Variants in MTMR3 observed in about 807,000 individuals in gnomAD.
MTMR3 encodes myotubularin related protein 3, also known as phosphatidylinositol-3,5-bisphosphate 3-phosphatase MTMR3.
MTMR3 carries 32 observed loss-of-function variants against 132.4 expected under a neutral mutation model. The observed-to-expected ratio is 0.24, with a 90% CI of 0.18 to 0.32. The LOEUF (loss-of-function observed/expected upper bound fraction) is 0.32. Among genes scored for constraint, MTMR3 ranks in the 10% least tolerant of loss-of-function variants. MTMR3 has a pLI of 1.00. For synonymous variants in MTMR3, 556 were observed against 550.3 expected (o/e 1.01, Z -0.14); for missense variants, 1,216 against 1,489.6 (o/e 0.82, Z 3.02).
chr22:29,930,770 G>A (rs989272103), intron 1 of MTMR3, among the ~76,000 whole-genome samples: 29 of 152,084 alleles, frequency 1.9e-4, no homozygotes, highest in African/African-American at 6.8e-4. Flanking sequence ...GGAAGCTGGG[G>A]CAAGAGGATT....
Position 30,028,673 on chromosome 22 carries a change from A to T in MTMR3, c.*2872A>T, listed in dbSNP as rs2067957456. 6.6e-6 allele frequency: 1 copy of T among 152,350 alleles called. No individual in the cohort carries two copies. Among genetic ancestry groups the T allele is most frequent in the East Asian group, 1.9e-4 (1 of 5,320 alleles). 9.4% of individuals were successfully genotyped at this position (152,350 alleles called of 1,614,324 possible). ...CAGAGTGACCTGCTCAGAGCTCCCC[A>T]GAGGCCTTCACTCTTTGGGGCAGTC... On this transcript the variant is annotated 3_prime_UTR_variant, in exon 20 of 20. Transcript: ENST00000401950.
At chr22:29,894,579 G>A (rs1183857939) in intron 1 of MTMR3, among the ~76,000 whole-genome samples, 15 of 151,930 alleles carry the variant, frequency 9.9e-5, no homozygotes, top group East Asian at 7.7e-4. Context: ...TGGCAACTCA[G>A]ATGGGATATG....
At chr22:29,906,197 G>C (rs913494414) in intron 1 of MTMR3, among the ~76,000 whole-genome samples, 2 of 152,018 alleles carry the variant, frequency 1.3e-5, no homozygotes, top group African/African-American at 4.8e-5. Context: ...CTTCTAAAGA[G>C]ACCAGTACTG....
chr22:29,905,958 A>G (rs73162720), intron 1 of MTMR3, among the ~76,000 whole-genome samples: 2,145 of 152,296 alleles, frequency 0.014, 24 homozygotes, highest in Non-Finnish European at 0.023. Flanking sequence ...CTACTGACAA[A>G]TGTCAAACAA....
chr22:29,927,101 G>A (rs5763609), intron 1 of MTMR3, among the ~76,000 whole-genome samples: 9,059 of 152,162 alleles, frequency 0.06, 511 homozygotes, highest in South Asian at 0.24. Flanking sequence ...TTCTTTCCTC[G>A]TTGAGTTGTT....
At chr22:29,886,140 G>C (rs2064672529) in intron 1 of MTMR3, among the ~76,000 whole-genome samples, 1 of 152,188 alleles carries the variant, frequency 6.6e-6, no homozygotes, top group African/African-American at 2.4e-5. Flanking sequence ...AAAAAGAACA[G>C]TTATGGTGGT....
chr22:29,933,683 T>TG (rs1263439280), intron 1 of MTMR3, among the ~76,000 whole-genome samples: 1 of 150,974 alleles, frequency 6.6e-6, no homozygotes, highest in East Asian at 2.1e-4. Context: ...ATGATAGTCT[T>TG]GTTCTTTGCA....
intron 12 of MTMR3, chr22:30,009,611 A>T (rs2067360439): frequency 6.5e-6 from 1 of 154,088 alleles, no homozygotes; most frequent in South Asian, 2.0e-4. Context: ...ATCTGCTTTC[A>T]ATTTCTAAAC....
At chr22:29,930,011 A>G (rs1191571017) in intron 1 of MTMR3, among the ~76,000 whole-genome samples, 1 of 152,184 alleles carries the variant, frequency 6.6e-6, no homozygotes, top group East Asian at 1.9e-4. Context: ...TTCCAGACAC[A>G]TAGTCTTTGA....
chr22:29,961,645 T>C (rs1171860595), intron 2 of MTMR3, among the ~76,000 whole-genome samples: 10 of 152,184 alleles, frequency 6.6e-5, no homozygotes, highest in Non-Finnish European at 1.3e-4. Flanking sequence ...CTTGGTACAA[T>C]TACTTTTTAA....
At chr22:29,963,731 A>G (rs1225427449) in intron 2 of MTMR3, among the ~76,000 whole-genome samples, 1 of 151,870 alleles carries the variant, frequency 6.6e-6, no homozygotes, top group East Asian at 1.9e-4. Flanking sequence ...TTGTTTAGAT[A>G]TGCCACATTC....
intron 1 of MTMR3, among the ~76,000 whole-genome samples, chr22:29,945,430 C>T (rs1156262064): frequency 2.0e-5 from 3 of 151,976 alleles, no homozygotes; most frequent in Non-Finnish European, 4.4e-5. Flanking sequence ...TGGCCAGGTG[C>T]GGTGGCTTAC....
chr22:29,906,298 A>ATCTG (rs1436973283), intron 1 of MTMR3, among the ~76,000 whole-genome samples: 11 of 105,352 alleles, frequency 1.0e-4, no homozygotes, highest in Non-Finnish European at 2.2e-4. Flanking sequence ...CTATCTATCT[A>ATCTG]TCTATCTATC....
intron 17 of MTMR3, 63 bp from the exon 18 acceptor site, chr22:30,021,966 G>C: frequency 1.5e-6 from 2 of 1,330,362 alleles, no homozygotes; most frequent in Non-Finnish European, 2.2e-6. Flanking sequence ...TCTTCACCAG[G>C]CCTTTTCTTC....
intron 1 of MTMR3, among the ~76,000 whole-genome samples, chr22:29,921,848 T>C (rs2065420832): frequency 6.6e-6 from 1 of 151,762 alleles, no homozygotes; most frequent in Admixed American, 6.6e-5. Flanking sequence ...TGTCTTTTTT[T>C]TTTTTCTTTT....
chr22:29,981,706 TGCTACTCAGGAA>T (rs2066747335), intron 5 of MTMR3: 1 of 150,808 alleles, frequency 6.6e-6, no homozygotes, highest in Non-Finnish European at 1.5e-5. Flanking sequence ...TGGTGGCATG[TGCTACTCAGGAA>T]GCTGAGGTAG....
intron 5 of MTMR3, chr22:29,988,276 T>A (rs911593150): frequency 2.8e-6 from 1 of 361,424 alleles, no homozygotes; most frequent in African/African-American, 2.1e-5. Flanking sequence ...TGACATGACT[T>A]GAGACCACTG....
intron 1 of MTMR3, among the ~76,000 whole-genome samples, chr22:29,910,402 A>G (rs1414627860): frequency 6.6e-6 from 1 of 152,130 alleles, no homozygotes; most frequent in Non-Finnish European, 1.5e-5. Context: ...TTTATTTAAC[A>G]CTCAGTTGTT....
At chr22:30,003,208 T>G in intron 9 of MTMR3, 1 of 420,578 alleles carries the variant, frequency 2.4e-6, no homozygotes, top group East Asian at 3.5e-5. Context: ...TTGAAACAGA[T>G]AAGAAAGTTT....
Sources: gnomAD v4.1 joint callset for allele counts (sites outside exome capture counted in the v4.1 genomes callset) on GRCh38, gnomAD v4.1.1 for gene constraint, MANE v1.5 for transcripts, NCBI Gene and HGNC (gene_info 2026-07-23, HGNC 2026-07-21) for gene names.